The following ARHGAP32 variants were observed in gnomAD, a reference collection of about 807,000 sequenced individuals.
ARHGAP32 encodes the protein Rho GTPase activating protein 32, also known as rho GTPase-activating protein 32.
Under a neutral mutation model 186.5 loss-of-function variants are expected in ARHGAP32, and 51 were observed. The observed-to-expected ratio is 0.27, with a 90% CI of 0.22 to 0.35. The LOEUF is 0.35. ARHGAP32 is among the 10% of genes least tolerant of loss of function. The pLI, the probability that ARHGAP32 is intolerant of heterozygous loss-of-function variation, is 1.00. For synonymous variants in ARHGAP32, 950 were observed against 964.3 expected (o/e 0.99, Z 0.27); for missense variants, 2,186 against 2,623.5 (o/e 0.83, Z 3.64).
intron 5 of ARHGAP32, among the ~76,000 whole-genome samples, chr11:129,110,659 T>G (rs1213789273): frequency 6.6e-6 from 1 of 152,178 alleles, no homozygotes; most frequent in Non-Finnish European, 1.5e-5. Flanking sequence ...TTCACCTTCT[T>G]GGTTAAATTT....
intron 2 of ARHGAP32, among the ~76,000 whole-genome samples, chr11:129,135,741 T>C (rs1942923211): frequency 1.3e-5 from 2 of 151,744 alleles, no homozygotes; most frequent in South Asian, 4.2e-4. Flanking sequence ...CACTCCAGCC[T>C]GGGCAACAGA....
chr11:129,029,874 G>A lies in ARHGAP32; in HGVS notation c.1045+11054C>T, dbSNP rs141784983. ...GAAATACATTCCCTATCCCTAGCAA[G>A]CTCACAGGGTTGTGACCAGATTCAT... On this transcript the variant is annotated intron_variant, in intron 11 of 22. Coordinates refer to ENST00000682385, the MANE Select transcript of ARHGAP32 (RefSeq NM_001378024.1). 1.7e-3 allele frequency among the ~76,000 whole-genome samples: 242 copies of A among 145,130 alleles called. 2 individuals carry two copies. Among genetic ancestry groups the A allele is most frequent in the African/African-American group, 5.8e-3 (229 of 39,190 alleles).
intron 1 of ARHGAP32, among the ~76,000 whole-genome samples, chr11:129,184,904 G>A (rs560089414): frequency 2.6e-5 from 4 of 152,072 alleles, no homozygotes; most frequent in Non-Finnish European, 4.4e-5. Flanking sequence ...ACTTAAGAAC[G>A]TATCAGGCAA....
chr11:128,998,944 C>A (rs909674815), intron 11 of ARHGAP32, among the ~76,000 whole-genome samples: 3 of 152,048 alleles, frequency 2.0e-5, no homozygotes, highest in Non-Finnish European at 4.4e-5. Context: ...ACCTCAGGAC[C>A]CTGTGATGAT....
chr11:128,995,189 T>A (rs1440590082), intron 12 of ARHGAP32, among the ~76,000 whole-genome samples: 5 of 151,802 alleles, frequency 3.3e-5, no homozygotes, highest in African/African-American at 1.2e-4. Context: ...TTCAGGTTCC[T>A]ACACTGTATT....
At chr11:129,277,965 A>G (rs1945553242) in intron 1 of ARHGAP32, among the ~76,000 whole-genome samples, 1 of 152,276 alleles carries the variant, frequency 6.6e-6, no homozygotes. Context: ...AGTCACAACC[A>G]TAAATACTCA....
At chr11:129,028,317 G>T (rs569895259) in intron 11 of ARHGAP32, among the ~76,000 whole-genome samples, 1 of 152,330 alleles carries the variant, frequency 6.6e-6, no homozygotes, top group South Asian at 2.1e-4. Context: ...TGGTAAGTCA[G>T]TCACAAGCGA....
At position 128,974,484 on chromosome 11, in the gene ARHGAP32, A is replaced by G; in HGVS notation, c.2713T>C (p.Phe905Leu). The change falls in exon 21 of 23, where the codon TTC becomes CTC. Residue 905 changes from phenylalanine (F) to leucine (L), a missense_variant. Physicochemically the swap from Phe to Leu is conservative, Grantham distance 22. This residue lies in a region of ARHGAP32 where 1,502 missense variants were observed against 1,570.0 expected (regional missense o/e 0.96). Transcript: ENST00000682385. ...AATTTCCGTCCTATCTTCGGAGAGA[A>G]AGCATAGACGACCTTTTCAGTAAAG... ...SSFTEKVVYA[F>L]SPKIGRKLSK... 1 of 1,614,184 alleles carries G rather than the reference A, an allele frequency of 6.2e-7. No homozygotes were observed. The highest frequency in any genetic ancestry group is 8.5e-7 in the Non-Finnish European group (1 of 1,180,036).
At chr11:128,980,029 G>A (rs772295269) in intron 18 of ARHGAP32, among the ~76,000 whole-genome samples, 1 of 152,186 alleles carries the variant, frequency 6.6e-6, no homozygotes, top group Non-Finnish European at 1.5e-5. Context: ...CCACGCCCAG[G>A]GTTTCTGATT....
At chr11:129,250,020 C>A (rs1281437717) in intron 1 of ARHGAP32, among the ~76,000 whole-genome samples, 4 of 151,608 alleles carry the variant, frequency 2.6e-5, no homozygotes, top group African/African-American at 9.7e-5. Context: ...CTAGGACCAA[C>A]CTGGGCAACA....
chr11:129,093,707 G>A lies in ARHGAP32; in HGVS notation c.445C>T (p.Leu149Phe), dbSNP rs1348975314. The change falls in exon 6 of 23, where the codon CTT becomes TTT. Residue 149 changes from leucine (L) to phenylalanine (F), a missense_variant and splice_region_variant. Leu to Phe is a conservative substitution (Grantham distance 22). This residue lies in a region of ARHGAP32 where 308 missense variants were observed against 596.5 expected (regional missense o/e 0.52). Coordinates refer to ENST00000682385, the MANE Select transcript of ARHGAP32 (RefSeq NM_001378024.1). ...TCATTCTGTTCTTCTGAAAGTGAAA[G>A]CTACATCACAGAAAAAAAAGAAGAG... ...YENVEFGSIQ[L>F]SLSEEQNEVM... 1.3e-6 allele frequency: 2 copies of A among 1,581,386 alleles called. No homozygotes were observed. The highest frequency in any genetic ancestry group is 2.7e-5 in the African/African-American group (2 of 74,288).
intron 1 of ARHGAP32, among the ~76,000 whole-genome samples, chr11:129,232,745 G>C (rs1944875844): frequency 6.6e-6 from 1 of 152,076 alleles, no homozygotes; most frequent in Non-Finnish European, 1.5e-5. Flanking sequence ...TCCCTTGCTG[G>C]CTGTCAGACC....
rs116124518 is a variant in ARHGAP32 at position 129,139,657 on chromosome 11, A to C, written c.226-14763T>G. ...AGTTTTATAAAGAGTTCTCCCGCAC[A>C]AGCTCTCTCTCTTTGCCTGCCGCCA... On this transcript the variant is annotated intron_variant, in intron 2 of 22. Coordinates refer to ENST00000682385, the MANE Select transcript of ARHGAP32 (RefSeq NM_001378024.1). Among the ~76,000 whole-genome samples the C allele has an allele frequency of 4.5e-3, 678 of 152,180 alleles. 8 individuals are homozygous for C. The highest frequency in any genetic ancestry group is 0.016 in the African/African-American group (650 of 41,532).
chr11:129,227,059 T>A lies in ARHGAP32; in HGVS notation c.-5+52087A>T, dbSNP rs151048416. On this transcript the variant is annotated intron_variant, in intron 1 of 6. Transcript: ENST00000525234. ...ACTGTTGCACAGAGCAAATCATAAATTTGGTTAACGGGTACATGATGTATA... is the reference window on the plus strand; with the variant it reads ...ACTGTTGCACAGAGCAAATCATAAAATTGGTTAACGGGTACATGATGTATA... Among the ~76,000 whole-genome samples, 425 of 152,182 alleles carry A rather than the reference T, an allele frequency of 2.8e-3. 5 individuals are homozygous for A. Among genetic ancestry groups the A allele is most frequent in the African/African-American group, 9.7e-3 (404 of 41,556 alleles).
chr11:129,211,475 G>A (rs1219110037), intron 1 of ARHGAP32, among the ~76,000 whole-genome samples: 1 of 152,114 alleles, frequency 6.6e-6, no homozygotes, highest in African/African-American at 2.4e-5. Context: ...CATCAAAAAC[G>A]CTGGGCATCT....
chr11:129,252,060 A>T (rs1278786481), intron 1 of ARHGAP32, among the ~76,000 whole-genome samples: 1 of 138,670 alleles, frequency 7.2e-6, no homozygotes, highest in African/African-American at 2.7e-5. Context: ...TAATTCAAAT[A>T]TAATTTAAAT....
intron 1 of ARHGAP32, among the ~76,000 whole-genome samples, chr11:129,214,080 C>G (rs1338230656): frequency 6.6e-6 from 1 of 151,800 alleles, no homozygotes; most frequent in Admixed American, 6.6e-5. Flanking sequence ...CAATAACTGA[C>G]CAGTACTAGT....
intron 5 of ARHGAP32, 52 bp from the exon 6 acceptor site, chr11:129,093,759 C>T (rs190055513): frequency 2.5e-5 from 31 of 1,245,482 alleles, no homozygotes; most frequent in African/African-American, 2.1e-4. Context: ...GATTAGTAAA[C>T]GAGAATAAAC....
intron 15 of ARHGAP32, 145 bp downstream of exon 15, chr11:128,985,858 G>GTTTGTGTATATA (rs760311247): frequency 1.0e-5 from 1 of 95,312 alleles, no homozygotes; most frequent in Admixed American, 1.3e-4. Context: ...GTGTGTGTGT[G>GTTTGTGTATATA]TATATATATA....
Sources: gnomAD v4.1 joint callset for allele counts (sites outside exome capture counted in the v4.1 genomes callset) on GRCh38, gnomAD v4.1.1 for gene constraint, gnomAD v4.1.1 regional missense constraint, MANE v1.5 for transcripts, NCBI Gene and HGNC (gene_info 2026-07-23, HGNC 2026-07-21) for gene names.